The following ALK variants were observed in gnomAD, a reference collection of about 807,000 sequenced individuals.
ALK encodes the protein ALK tyrosine kinase receptor.
ALK carries 74 observed loss-of-function variants against 163.1 expected under a neutral mutation model. The ratio of observed to expected loss-of-function variants is 0.45; its 90% CI spans 0.38 to 0.55. The LOEUF (loss-of-function observed/expected upper bound fraction) is 0.55. Ranked by LOEUF, ALK falls within the 20% of genes least tolerant of loss-of-function variation. ALK has a pLI of 0.00. For synonymous variants in ALK, 960 were observed against 843.2 expected, an observed-to-expected ratio of 1.14 and a Z score of -2.40; for missense variants, 2,063 against 2,105.3, an observed-to-expected ratio of 0.98 and a Z score of 0.39.
chr2:29,678,408 C>T (rs191565265), intron 3 of ALK, among the ~76,000 whole-genome samples: 5 of 151,634 alleles, frequency 3.3e-5, no homozygotes, highest in East Asian at 1.9e-4. Flanking sequence ...TGAGACTTTA[C>T]TCTTTTTCTA....
intron 4 of ALK, among the ~76,000 whole-genome samples, chr2:29,476,637 A>G (rs1366742139): frequency 6.6e-6 from 1 of 152,004 alleles, no homozygotes. Context: ...CCGGTGGAGA[A>G]GGAGGGCTGT....
intron 5 of ALK, among the ~76,000 whole-genome samples, chr2:29,379,486 G>C (rs1266642774): frequency 2.0e-5 from 3 of 152,190 alleles, no homozygotes; most frequent in African/African-American, 7.2e-5. Context: ...TGAACTTCAA[G>C]TTAGGATCCC....
Position 29,694,916 on chromosome 2 carries a change from C to G in ALK, c.886G>C (p.Glu296Gln), listed in dbSNP as rs56077855. The G allele has an allele frequency of 3.7e-6, 6 of 1,614,106 alleles. No homozygotes were observed. In the East Asian group the frequency reaches 1.1e-4, roughly 30 times the overall value. ...QSWSWRRIPSEEASQMDLLDG... is the reference protein window; with the variant it reads ...QSWSWRRIPSQEASQMDLLDG... ...AGCAAGTCCATCTGGGAGGCCTCCT[C>G]GGAGGGGATGCGGCGCCAGGACCAG... The change falls in exon 3 of 29, where the codon GAG becomes CAG. Residue 296 changes from glutamate to glutamine, a missense_variant. Glu to Gln is a conservative substitution (Grantham distance 29). Around this residue, in one of 5 missense-constraint regions of ALK, gnomAD observed 987 missense variants for 939.5 expected, o/e 1.05. Coordinates refer to ENST00000389048, the MANE Select transcript of ALK (RefSeq NM_004304.5).
At chr2:29,207,949 T>C (rs942091205) in intron 25 of ALK, 2 of 420,344 alleles carry the variant, frequency 4.8e-6, no homozygotes, top group Non-Finnish European at 1.0e-5. Context: ...TGTTCTCCTG[T>C]GTGAGTGTGT....
intron 3 of ALK, among the ~76,000 whole-genome samples, chr2:29,635,277 T>A (rs895247535): frequency 7.2e-5 from 11 of 152,332 alleles, no homozygotes; most frequent in Non-Finnish European, 1.2e-4. Flanking sequence ...AAACTAAATA[T>A]TGCCTTATAA....
chr2:29,577,092 A>G (rs1285220691), intron 3 of ALK, among the ~76,000 whole-genome samples: 1 of 152,148 alleles, frequency 6.6e-6, no homozygotes, highest in Non-Finnish European at 1.5e-5. Flanking sequence ...AAAAGGTTGG[A>G]GACCGCTGCT....
intron 3 of ALK, among the ~76,000 whole-genome samples, chr2:29,565,960 C>T (rs546615238): frequency 2.6e-4 from 39 of 152,266 alleles, no homozygotes; most frequent in African/African-American, 9.4e-4. Context: ...CTTTGTGGGA[C>T]AGCACCTGTC....
At chr2:29,195,157 C>A (rs1234578506) in intron 28 of ALK, among the ~76,000 whole-genome samples, 1 of 152,106 alleles carries the variant, frequency 6.6e-6, no homozygotes, top group South Asian at 2.1e-4. Flanking sequence ...TTTAAATATG[C>A]TTGTGTAAAA....
intron 1 of ALK, among the ~76,000 whole-genome samples, chr2:29,800,128 G>A (rs1270946659): frequency 6.6e-6 from 1 of 152,210 alleles, no homozygotes; most frequent in East Asian, 1.9e-4. Context: ...AGTGAGGGGT[G>A]GAGAGGAATG....
At chr2:29,368,927 C>G (rs190113386) in intron 5 of ALK, among the ~76,000 whole-genome samples, 28 of 152,238 alleles carry the variant, frequency 1.8e-4, no homozygotes, top group African/African-American at 6.7e-4. Context: ...TTACTGAAGA[C>G]TAGGAAAAGA....
At chr2:29,514,625 A>AT (rs1256329941) in intron 4 of ALK, among the ~76,000 whole-genome samples, 8 of 152,148 alleles carry the variant, frequency 5.3e-5, no homozygotes, top group Admixed American at 5.2e-4. Context: ...AAAACTCAAC[A>AT]TCTCAAAACT....
chr2:29,209,502 A>G (rs1415103519), intron 25 of ALK, among the ~76,000 whole-genome samples: 2 of 147,944 alleles, frequency 1.4e-5, no homozygotes, highest in Non-Finnish European at 3.0e-5. Context: ...AGTTCGTGCC[A>G]TGGCACTCCA....
intron 1 of ALK, among the ~76,000 whole-genome samples, chr2:29,787,120 A>G (rs536975287): frequency 7.2e-5 from 11 of 152,276 alleles, no homozygotes; most frequent in Admixed American, 7.2e-4. Context: ...TTGAAAGGGA[A>G]TGGAAGCCCC....
At chr2:29,729,339 G>A (rs562284917) in intron 1 of ALK, among the ~76,000 whole-genome samples, 12 of 152,174 alleles carry the variant, frequency 7.9e-5, no homozygotes, top group Non-Finnish European at 1.5e-4. Flanking sequence ...AGCAGGGAGA[G>A]AGAGAAAAGA....
At chr2:29,681,147 CT>C (rs34872869) in intron 3 of ALK, 1 of 152,386 alleles carries the variant, frequency 6.6e-6, no homozygotes, top group Non-Finnish European at 1.5e-5. Context: ...CCAGTTCATC[CT>C]TTTTTAGGCA....
intron 1 of ALK, among the ~76,000 whole-genome samples, chr2:29,906,937 G>GTTTTTTT (rs70962250): frequency 5.0e-5 from 4 of 80,042 alleles, no homozygotes; most frequent in African/African-American, 1.8e-4. Flanking sequence ...TACATTTAAG[G>GTTTTTTT]TTTTTTTTTT....
Position 29,574,140 on chromosome 2 carries a change from A to G in ALK, c.953-42024T>C, listed in dbSNP as rs117729495. On this transcript the variant is annotated intron_variant, in intron 3 of 28. Transcript: ENST00000389048. ...TAAGTCCCACTGCATGCAAGCTGGT[A>G]TGGTGAGGGACTGTGGTGCAGTGGT... 4.5e-4 allele frequency among the ~76,000 whole-genome samples: 69 copies of G among 152,258 alleles called. 3 individuals are homozygous for G. The East Asian group carries it at 0.013, about 28-fold the overall frequency.
chr2:29,616,644 C>G (rs182817793), intron 3 of ALK, among the ~76,000 whole-genome samples: 1 of 152,280 alleles, frequency 6.6e-6, no homozygotes, highest in African/African-American at 2.4e-5. Flanking sequence ...CACACCCTTC[C>G]TAAACTTTCT....
At chr2:29,346,900 C>T (rs908280608) in intron 5 of ALK, among the ~76,000 whole-genome samples, 6 of 152,184 alleles carry the variant, frequency 3.9e-5, no homozygotes, top group African/African-American at 7.2e-5. Context: ...CTCTGCAGCA[C>T]GCTTCCTGGG....
Sources: gnomAD v4.1 joint callset for allele counts (sites outside exome capture counted in the v4.1 genomes callset) on GRCh38, gnomAD v4.1.1 for gene constraint, gnomAD v4.1.1 regional missense constraint, MANE v1.5 for transcripts, NCBI Gene and HGNC (gene_info 2026-07-23, HGNC 2026-07-21) for gene names.